The following MAST4 variants were observed in gnomAD, a reference collection of about 807,000 sequenced individuals.
The protein encoded by MAST4 is microtubule associated serine/threonine kinase family member 4.
In MAST4, 89 loss-of-function variants were observed where a neutral mutation model predicts 162.7. The observed-to-expected ratio is 0.55, with a 90% CI of 0.46 to 0.65. The LOEUF (loss-of-function observed/expected upper bound fraction) is 0.65. Ranked by LOEUF, MAST4 falls within the 30% of genes least tolerant of loss-of-function variation. MAST4 has a pLI of 0.00. For synonymous variants in MAST4, 1,479 were observed against 1,361.1 expected (o/e 1.09, Z -1.91); for missense variants, 3,153 against 3,374.0 (o/e 0.93, Z 1.62).
chr5:66,889,772 A>G (rs891876467), intron 3 of MAST4, among the ~76,000 whole-genome samples: 1 of 152,232 alleles, frequency 6.6e-6, no homozygotes, highest in African/African-American at 2.4e-5. Context: ...GCTGTGCCAC[A>G]TGCAGGACAT....
intron 4 of MAST4, among the ~76,000 whole-genome samples, chr5:66,974,372 A>G (rs1392809208): frequency 1.3e-5 from 2 of 152,214 alleles, no homozygotes; most frequent in Non-Finnish European, 2.9e-5. Context: ...TTGAGCCTAC[A>G]TCAAGCTTTT....
chr5:66,943,189 A>G (rs1743567944), intron 4 of MAST4, among the ~76,000 whole-genome samples: 1 of 152,142 alleles, frequency 6.6e-6, no homozygotes, highest in Non-Finnish European at 1.5e-5. Context: ...ACTTAACATT[A>G]GAAAAGTTAA....
At chr5:66,967,473 G>A (rs1167666349) in intron 4 of MAST4, among the ~76,000 whole-genome samples, 1 of 152,116 alleles carries the variant, frequency 6.6e-6, no homozygotes, top group Non-Finnish European at 1.5e-5. Flanking sequence ...ACTGCCATAT[G>A]GAGGTTGTGG....
intron 4 of MAST4, among the ~76,000 whole-genome samples, chr5:66,983,905 C>T (rs1401699524): frequency 6.6e-6 from 1 of 152,154 alleles, no homozygotes; most frequent in East Asian, 1.9e-4. Flanking sequence ...AGTCCTGGAC[C>T]ATGCCTCTCA....
chr5:66,852,153 C>G (rs1398782679), intron 3 of MAST4, among the ~76,000 whole-genome samples: 1 of 152,038 alleles, frequency 6.6e-6, no homozygotes, highest in African/African-American at 2.4e-5. Flanking sequence ...ATTATTAACT[C>G]CTTTTTCTTT....
rs142311039 is a variant in MAST4 at position 66,698,596 on chromosome 5, G to T, written c.364-61113G>T. On this transcript the variant is annotated intron_variant, in intron 1 of 28. Transcript: ENST00000403625. ...TATCCAGCCCTCAACTCTAAATACTGCCTGTAAGGAGTGTCTCCTGTATCT... is the reference window on the plus strand; with the variant it reads ...TATCCAGCCCTCAACTCTAAATACTTCCTGTAAGGAGTGTCTCCTGTATCT... Among the ~76,000 whole-genome samples the T allele has an allele frequency of 2.7e-3, 416 of 152,168 alleles. 3 individuals carry two copies. The highest frequency in any genetic ancestry group is 9.6e-3 in the African/African-American group (400 of 41,516).
At chr5:66,976,460 A>T (rs1748157947) in intron 4 of MAST4, among the ~76,000 whole-genome samples, 1 of 152,266 alleles carries the variant, frequency 6.6e-6, no homozygotes, top group African/African-American at 2.4e-5. Context: ...ATTAAAAAGG[A>T]TTCCATCCCT....
intron 3 of MAST4, among the ~76,000 whole-genome samples, chr5:66,842,947 A>G (rs564266429): frequency 6.6e-6 from 1 of 152,246 alleles, no homozygotes; most frequent in East Asian, 1.9e-4. Context: ...TCATGAATGA[A>G]ACTTTGCATC....
rs778238525 is a variant in MAST4 at position 67,163,457 on chromosome 5, C to T, written c.4278C>T (p.His1426=). The T allele has an allele frequency of 4.1e-5, 66 of 1,613,544 alleles. No homozygotes were observed. The highest frequency in any genetic ancestry group is 5.6e-5 in the Non-Finnish European group (66 of 1,179,890). Residue 1426 remains histidine (H), a synonymous_variant, in exon 29 of 29, where the codon CAC becomes CAT. Transcript: ENST00000403625. The surrounding 1 kb of genome is among the most constrained non-coding windows in gnomAD (Gnocchi z 7.0). ...ACTCCCCGCCCACCATCGTCAGACA[C>T]ATCGTGAGGCCCAAGAGTGCGGAGC... is the stretch of plus-strand genomic sequence containing the variant. ...KMHSPPTIVR[H]IVRPKSAEPP...
At chr5:66,968,060 A>G (rs1026304251) in intron 4 of MAST4, among the ~76,000 whole-genome samples, 4 of 152,164 alleles carry the variant, frequency 2.6e-5, no homozygotes, top group African/African-American at 9.7e-5. Flanking sequence ...ATCTCATTTC[A>G]CATTCTCAGT....
intron 1 of MAST4, among the ~76,000 whole-genome samples, chr5:66,643,193 A>G (rs138055889): frequency 1.8e-4 from 27 of 152,282 alleles, no homozygotes; most frequent in African/African-American, 6.0e-4. Flanking sequence ...TCCGCTTGAT[A>G]TGTTTGTGTT....
At chr5:67,003,658 T>C (rs1344729848) in intron 4 of MAST4, among the ~76,000 whole-genome samples, 2 of 152,208 alleles carry the variant, frequency 1.3e-5, no homozygotes, top group African/African-American at 4.8e-5. Flanking sequence ...TTATGTACTT[T>C]ATACAAACAT....
intron 3 of MAST4, among the ~76,000 whole-genome samples, chr5:66,794,175 T>C (rs527666028): frequency 6.6e-6 from 1 of 152,362 alleles, no homozygotes; most frequent in East Asian, 1.9e-4. Context: ...AAATTAGTTA[T>C]GGAAACCTTA....
At chr5:66,832,960 G>A (rs999430527) in intron 3 of MAST4, among the ~76,000 whole-genome samples, 9 of 152,108 alleles carry the variant, frequency 5.9e-5, no homozygotes, top group East Asian at 1.9e-4. Flanking sequence ...TGCCATATCC[G>A]AGTGGTGTTT....
rs1561621988 is a variant in MAST4 at position 67,078,916 on chromosome 5, A to AAATATATATAT, written c.764-11246_764-11245insAATATATATAT. ...TATTTATATATTTTTATATAAATATATATATATATATATATATATATATAT... is the reference window on the plus strand; with the variant it reads ...TATTTATATATTTTTATATAAATATAAATATATATATTATATATATATATATATATATATAT... On this transcript the variant is annotated intron_variant, in intron 5 of 28. Transcript: ENST00000403625. Among the ~76,000 whole-genome samples, 532 of 65,668 alleles carry AAATATATATAT rather than the reference A, an allele frequency of 8.1e-3. 28 individuals carry two copies. The highest frequency in any genetic ancestry group is 0.046 in the African/African-American group (506 of 11,082). The allele number at this position is 65,668 out of a possible 152,430, so 43.1% of individuals were successfully genotyped here.
At chr5:67,016,891 G>C (rs769033139) in intron 4 of MAST4, among the ~76,000 whole-genome samples, 7 of 152,290 alleles carry the variant, frequency 4.6e-5, no homozygotes, top group Middle Eastern at 3.4e-3. Context: ...CCCTTAGAAA[G>C]GACAAAAATT....
At chr5:66,651,577 A>G (rs866278373) in intron 1 of MAST4, among the ~76,000 whole-genome samples, 55 of 152,154 alleles carry the variant, frequency 3.6e-4, no homozygotes, top group African/African-American at 1.1e-3. Flanking sequence ...CTAGATGACA[A>G]TGGATAAAAG....
At chr5:66,685,331 A>C (rs1034642920) in intron 1 of MAST4, among the ~76,000 whole-genome samples, 1 of 151,770 alleles carries the variant, frequency 6.6e-6, no homozygotes, top group African/African-American at 2.4e-5. Flanking sequence ...ACCCCCAAAA[A>C]CCCCCAAAAA....
At chr5:67,152,912 A>G (rs1206954072) in intron 25 of MAST4, 46 bp downstream of exon 25, 3 of 1,497,984 alleles carry the variant, frequency 2.0e-6, no homozygotes, top group Non-Finnish European at 2.8e-6. Context: ...TTTCCAGCCA[A>G]GCTGGAGAGT....
Sources: allele counts gnomAD v4.1 joint callset (sites outside exome capture counted in the v4.1 genomes callset), GRCh38; gene constraint gnomAD v4.1.1; non-coding constraint Gnocchi (gnomAD v3.1); transcripts MANE v1.5; gene names NCBI Gene and HGNC (gene_info 2026-07-23, HGNC 2026-07-21).